Variants in EXOC4 observed in about 807,000 individuals in gnomAD.
The protein encoded by EXOC4 is exocyst complex component 4.
A neutral mutation model predicts 107.2 loss-of-function variants in EXOC4; 71 were observed. The observed-to-expected ratio is 0.66, with a 90% confidence interval of 0.55 to 0.81. The LOEUF (loss-of-function observed/expected upper bound fraction) is 0.81. Ranked by LOEUF, EXOC4 falls within the 30% of genes least tolerant of loss-of-function variation. EXOC4 has a pLI of 0.00. For synonymous variants in EXOC4, 456 were observed against 441.2 expected, an observed-to-expected ratio of 1.03 and a Z score of -0.42; for missense variants, 1,108 against 1,189.6, an observed-to-expected ratio of 0.93 and a Z score of 1.01.
intron 9 of EXOC4, among the ~76,000 whole-genome samples, chr7:133,501,306 C>T (rs2150887442): frequency 6.6e-6 from 1 of 152,142 alleles, no homozygotes; most frequent in East Asian, 1.9e-4. Context: ...GCCACCATGG[C>T]AGCAAATGGT....
chr7:133,445,072 C>T (rs918602722), intron 7 of EXOC4, among the ~76,000 whole-genome samples: 4 of 151,882 alleles, frequency 2.6e-5, no homozygotes, highest in East Asian at 1.9e-4. Flanking sequence ...GTTTCTGGAC[C>T]GTATGTGTAC....
chr7:133,372,355 C>T (rs1282526546), intron 6 of EXOC4, among the ~76,000 whole-genome samples: 1 of 152,210 alleles, frequency 6.6e-6, no homozygotes, highest in Non-Finnish European at 1.5e-5. Flanking sequence ...TATTACACCT[C>T]CTTTCCTTCC....
Position 133,834,945 on chromosome 7 carries a change from G to A in EXOC4, c.1734+17401G>A, listed in dbSNP as rs190884487. ...ACTCATGATAGTGAATGAGTCTCAC[G>A]AGATCTGATGGTTTTAGAAATGGGA... On this transcript the variant is annotated intron_variant, in intron 11 of 17. Transcript: ENST00000253861. Among the ~76,000 whole-genome samples, 9 of 152,190 alleles carry A rather than the reference G, an allele frequency of 5.9e-5. No homozygotes were observed. In the East Asian group the frequency reaches 1.4e-3, roughly 23 times the overall value.
chr7:134,021,504 AT>A (rs1795026980), intron 17 of EXOC4, among the ~76,000 whole-genome samples: 1 of 152,012 alleles, frequency 6.6e-6, no homozygotes, highest in Non-Finnish European at 1.5e-5. Flanking sequence ...CTTCATCTCC[AT>A]TGCTGTGCTG....
chr7:133,717,765 G>T (rs1795028373), intron 10 of EXOC4, among the ~76,000 whole-genome samples: 1 of 152,084 alleles, frequency 6.6e-6, no homozygotes, highest in Non-Finnish European at 1.5e-5. Context: ...TAAATATAAG[G>T]CTCTTGTCTT....
chr7:133,438,094 C>T (rs1798016798), intron 7 of EXOC4, among the ~76,000 whole-genome samples: 1 of 152,148 alleles, frequency 6.6e-6, no homozygotes, highest in Non-Finnish European at 1.5e-5. Context: ...CACTCTTCTC[C>T]ATATTTAGTT....
Position 133,649,467 on chromosome 7 carries a change from C to CTTT in EXOC4, c.1514+19342_1514+19344dup, listed in dbSNP as rs61225754. ...TGTGTGTGAAGCATTACTACTTTTT[C>CTTT]TTTTTTTTTTTTTTTTTTAACCAGT... On this transcript the variant is annotated intron_variant, in intron 10 of 17. Transcript: ENST00000253861. Among the ~76,000 whole-genome samples the CTTT allele has an allele frequency of 2.9e-3, 250 of 85,372 alleles. 24 individuals are homozygous for CTTT. The highest frequency in any genetic ancestry group is 8.8e-3 in the Admixed American group (55 of 6,244). The allele number at this position is 85,372 out of a possible 152,430, so 56.0% of individuals were successfully genotyped here.
intron 10 of EXOC4, among the ~76,000 whole-genome samples, chr7:133,814,855 A>C (rs1797327131): frequency 6.6e-6 from 1 of 152,146 alleles, no homozygotes; most frequent in African/African-American, 2.4e-5. Flanking sequence ...TTTTTTTACT[A>C]AGTCATTTGG....
intron 11 of EXOC4, among the ~76,000 whole-genome samples, chr7:133,878,387 T>C (rs1481268630): frequency 6.6e-6 from 1 of 152,222 alleles, no homozygotes; most frequent in Non-Finnish European, 1.5e-5. Flanking sequence ...CTGTGGCATG[T>C]TCCATCTTCT....
chr7:134,047,414 A>T (rs1795682596), intron 17 of EXOC4, among the ~76,000 whole-genome samples: 1 of 152,106 alleles, frequency 6.6e-6, no homozygotes, highest in South Asian at 2.1e-4. Flanking sequence ...TAAAAAAAAA[A>T]TTGCTATTCT....
chr7:133,433,274 A>G (rs535866967), intron 7 of EXOC4, among the ~76,000 whole-genome samples: 3 of 152,092 alleles, frequency 2.0e-5, no homozygotes, highest in African/African-American at 7.2e-5. Flanking sequence ...CACCCAACCT[A>G]TGAGAGCAGT....
intron 7 of EXOC4, among the ~76,000 whole-genome samples, chr7:133,383,294 A>T (rs952495110): frequency 6.6e-6 from 1 of 152,178 alleles, no homozygotes; most frequent in African/African-American, 2.4e-5. Context: ...ATCTCATTTC[A>T]AAACACAACT....
intron 3 of EXOC4, among the ~76,000 whole-genome samples, chr7:133,300,438 C>T (rs1422750347): frequency 1.3e-5 from 2 of 152,172 alleles, no homozygotes; most frequent in Non-Finnish European, 2.9e-5. Context: ...GAAATCTTCA[C>T]AATAGCCCTG....
the EXOC4 span, among the ~76,000 whole-genome samples, chr7:134,075,937 G>A: frequency 6.6e-6 from 1 of 152,150 alleles, no homozygotes; most frequent in South Asian, 2.1e-4. Context: ...GGACATATGA[G>A]GTAAGTAAGA....
chr7:133,649,467 C>CTTTTTTTTTTTTTT, intron 10 of EXOC4, among the ~76,000 whole-genome samples: 1 of 85,374 alleles, frequency 1.2e-5, no homozygotes, highest in Non-Finnish European at 2.3e-5. Context: ...ACTACTTTTT[C>CTTTTTTTTTTTTTT]TTTTTTTTTT....
At chr7:133,513,155 G>T (rs1218548238) in intron 9 of EXOC4, among the ~76,000 whole-genome samples, 5 of 151,910 alleles carry the variant, frequency 3.3e-5, no homozygotes, top group Admixed American at 1.3e-4. Context: ...CTGTATGTCT[G>T]GTATTTTTAA....
rs931448126 is a variant in EXOC4 at position 133,584,841 on chromosome 7, G to T, written c.1418-45204G>T. ...CGATCTGCCCGTCTTGGCCTCCCGT[G>T]CTGGGATTACAGGCGTGAGCCACCG... On this transcript the variant is annotated intron_variant, in intron 9 of 17. Transcript: ENST00000253861. Among the ~76,000 whole-genome samples the T allele has an allele frequency of 2.0e-5, 3 of 152,008 alleles. No homozygotes were observed. In the South Asian group the frequency reaches 6.2e-4, roughly 31 times the overall value.
intron 11 of EXOC4, among the ~76,000 whole-genome samples, chr7:133,853,257 GTTTC>G (rs754579569): frequency 1.3e-5 from 2 of 151,506 alleles, no homozygotes; most frequent in Non-Finnish European, 1.5e-5. Context: ...GTTACCATCT[GTTTC>G]TTTCTTTGTT....
intron 9 of EXOC4, among the ~76,000 whole-genome samples, chr7:133,581,150 A>G (rs1376558953): frequency 6.6e-6 from 1 of 152,096 alleles, no homozygotes; most frequent in African/African-American, 2.4e-5. Context: ...GGACCCCCCA[A>G]CTGTTCTCTG....
Sources: gnomAD v4.1 joint callset for allele counts (sites outside exome capture counted in the v4.1 genomes callset) on GRCh38, gnomAD v4.1.1 for gene constraint, MANE v1.5 for transcripts, NCBI Gene and HGNC (gene_info 2026-07-23, HGNC 2026-07-21) for gene names.